The following UBR7 variants were observed in gnomAD, a reference collection of about 807,000 sequenced individuals.
The protein encoded by UBR7 is ubiquitin protein ligase E3 component n-recognin 7, also known as putative E3 ubiquitin-protein ligase UBR7.
UBR7 carries 22 observed loss-of-function variants against 57.0 expected under a neutral mutation model. That is an observed-to-expected ratio of 0.39 (90% CI 0.28 to 0.55). The LOEUF (loss-of-function observed/expected upper bound fraction) is 0.55, where lower values mean the gene tolerates loss of function less well. Among genes scored for constraint, UBR7 ranks in the 20% least tolerant of loss-of-function variants. The probability of loss-of-function intolerance (pLI) is 0.69; values close to 1 mark genes in which losing one functional copy is unlikely to be tolerated. For synonymous variants in UBR7, 167 were observed against 179.8 expected (o/e 0.93, Z 0.57); for missense variants, 395 against 513.2 (o/e 0.77, Z 2.23).
At position 93,217,167 on chromosome 14, in the gene UBR7, C is replaced by T. The variant is rs143909859; in HGVS notation, c.602-1360C>T. Reference sequence around the variant, plus strand: ...TCAGCCTCCCAAGTAGCTGGGATTACAGGCATGCACCAGCATGCCTAGCTA... The same window carrying T: ...TCAGCCTCCCAAGTAGCTGGGATTATAGGCATGCACCAGCATGCCTAGCTA... On this transcript the variant is annotated intron_variant, in intron 6 of 10. Coordinates refer to ENST00000013070, the MANE Select transcript of UBR7 (RefSeq NM_175748.4). Among the ~76,000 whole-genome samples the T allele has an allele frequency of 3.8e-3, 574 of 152,238 alleles. 5 individuals carry two copies. The highest frequency in any genetic ancestry group is 0.013 in the African/African-American group (558 of 41,550).
Position 93,212,941 on chromosome 14 carries a change from C to T in UBR7, c.441+814C>T, listed in dbSNP as rs1302452100. On this transcript the variant is annotated intron_variant, in intron 4 of 10. Transcript: ENST00000013070. ...CTCCAAGTATTTATGTAGAATGGAT[C>T]GGTATAATTGACGGATCAAAGTGTA... 5.3e-5 allele frequency among the ~76,000 whole-genome samples: 8 copies of T among 152,196 alleles called. No homozygotes were observed. The South Asian group carries it at 6.2e-4, about 12-fold the overall frequency.
intron 4 of UBR7, among the ~76,000 whole-genome samples, chr14:93,212,378 TC>T (rs1390028051): frequency 2.6e-4 from 40 of 152,298 alleles, no homozygotes; most frequent in African/African-American, 9.6e-4. Context: ...CTTCCCTTCC[TC>T]TCCTTCCCTG....
intron 10 of UBR7, among the ~76,000 whole-genome samples, chr14:93,224,295 CCTT>C (rs1894785519): frequency 6.6e-6 from 1 of 151,900 alleles, no homozygotes; most frequent in South Asian, 2.1e-4. Flanking sequence ...GTTAAAAGAG[CCTT>C]CTTCTAAGTG....
At chr14:93,221,591 T>G (rs982973016) in intron 9 of UBR7, among the ~76,000 whole-genome samples, 2 of 152,144 alleles carry the variant, frequency 1.3e-5, no homozygotes, top group African/African-American at 4.8e-5. Context: ...TCTTTTTGCC[T>G]TTATTAGAGT....
At chr14:93,213,008 T>C (rs1894515737) in intron 4 of UBR7, among the ~76,000 whole-genome samples, 1 of 152,150 alleles carries the variant, frequency 6.6e-6, no homozygotes, top group African/African-American at 2.4e-5. Flanking sequence ...CACTGTGGCT[T>C]ATGCCTGTAG....
intron 9 of UBR7, among the ~76,000 whole-genome samples, chr14:93,221,798 G>A (rs56388034): frequency 0.024 from 3,579 of 151,584 alleles, 157 homozygotes; most frequent in African/African-American, 0.083. Flanking sequence ...CCTGGCTGAC[G>A]TGGTGAAACC....
chr14:93,208,696 A>G (rs936379592), intron 1 of UBR7, among the ~76,000 whole-genome samples: 4 of 152,170 alleles, frequency 2.6e-5, no homozygotes, highest in Non-Finnish European at 4.4e-5. Flanking sequence ...CTTTAAAAAA[A>G]AAAGAAAGAA....
Position 93,218,521 on chromosome 14 carries a change from T to A in UBR7, c.602-6T>A. ...TATGTGTTTTTCTTTTTCTTTGAAC[T>A]CACAGTAACCAAAATATCCACTGAG... On this transcript the variant is annotated splice_region_variant and splice_polypyrimidine_tract_variant and intron_variant, in intron 6 of 10. Transcript: ENST00000013070. 1 of 1,614,098 alleles carries A rather than the reference T, an allele frequency of 6.2e-7. No individual in the cohort carries two copies. Among genetic ancestry groups the A allele is most frequent in the Non-Finnish European group, 8.5e-7 (1 of 1,179,986 alleles).
intron 2 of UBR7, among the ~76,000 whole-genome samples, chr14:93,210,380 G>A (rs1894458028): frequency 6.6e-6 from 1 of 152,178 alleles, no homozygotes; most frequent in South Asian, 2.1e-4. Flanking sequence ...ACCTCGCCCA[G>A]CACTAATGAA....
At chr14:93,219,470 A>G in intron 8 of UBR7, 109 bp downstream of exon 8, 1 of 1,426,454 alleles carries the variant, frequency 7.0e-7, no homozygotes, top group Non-Finnish European at 9.7e-7. Context: ...AGAAAGGAAA[A>G]TAAAAAGAAC....
chr14:93,217,038 T>C (rs1477167250), intron 6 of UBR7, among the ~76,000 whole-genome samples: 1 of 151,808 alleles, frequency 6.6e-6, no homozygotes, highest in Non-Finnish European at 1.5e-5. Flanking sequence ...GGTTTTTTTG[T>C]TTTTTCAAGA....
chr14:93,219,247 A>C lies in UBR7; in HGVS notation c.846A>C (p.Ser282=), dbSNP rs747954574. Residue 282 remains serine (S), a synonymous_variant, in exon 8 of 11, where the codon TCA becomes TCC. Transcript: ENST00000013070. Reference sequence around the variant, plus strand: ...AGAATGAAAGCCTCAACGCAGAATCAAAATCTGGCTGCAAACTTCAGGAGC... The same window carrying C: ...AGAATGAAAGCCTCAACGCAGAATCCAAATCTGGCTGCAAACTTCAGGAGC... The part of the protein sequence containing the change: ...VFKNESLNAE[S]KSGCKLQELK... 1.2e-6 allele frequency: 2 copies of C among 1,614,228 alleles called. No homozygotes were observed. The highest frequency in any genetic ancestry group is 1.7e-6 in the Non-Finnish European group (2 of 1,180,042).
chr14:93,219,858 C>G (rs959781708), intron 8 of UBR7, among the ~76,000 whole-genome samples: 1 of 152,126 alleles, frequency 6.6e-6, no homozygotes, highest in African/African-American at 2.4e-5. Context: ...GCCTGTAATC[C>G]CAGCTCCTTG....
At chr14:93,209,057 C>T (rs1327224123) in intron 1 of UBR7, among the ~76,000 whole-genome samples, 1 of 152,180 alleles carries the variant, frequency 6.6e-6, no homozygotes, top group East Asian at 1.9e-4. Context: ...AAGTGATCTG[C>T]CCACCTCGGC....
chr14:93,211,236 T>TAAA (rs1894475259), intron 3 of UBR7, among the ~76,000 whole-genome samples: 2 of 150,776 alleles, frequency 1.3e-5, no homozygotes. Context: ...AGACTCCATC[T>TAAA]CAAAACAAAC....
At position 93,210,667 on chromosome 14, in the gene UBR7, G is replaced by A. The variant is rs1480326822; in HGVS notation, c.304G>A (p.Gly102Arg). Reference sequence around the variant, plus strand: ...TTTCAGAAATTTTCGTTGTGATTGTGGAAACAGCAAGTTTAAAAATTTGGA... The same window carrying A: ...TTTCAGAAATTTTCGTTGTGATTGTAGAAACAGCAAGTTTAAAAATTTGGA... ...YTKRNFRCDC[G>R]NSKFKNLECK... is the part of the protein sequence containing the mutation. The change falls in exon 3 of 11, where the codon GGA (glycine) becomes AGA (arginine). Residue 102 changes from glycine to arginine, a missense_variant. Gly to Arg is a moderately radical substitution (Grantham distance 125, BLOSUM62 -2). Coordinates refer to ENST00000013070, the MANE Select transcript of UBR7 (RefSeq NM_175748.4). 6.2e-7 allele frequency: 1 copy of A among 1,608,486 alleles called. No homozygotes were observed. The highest frequency in any genetic ancestry group is 1.7e-5 in the Admixed American group (1 of 59,448).
At chr14:93,223,441 T>C (rs1434469410) in intron 10 of UBR7, among the ~76,000 whole-genome samples, 1 of 151,546 alleles carries the variant, frequency 6.6e-6, no homozygotes, top group East Asian at 1.9e-4. Flanking sequence ...CTTGTACCTG[T>C]AGTTTCAGCT....
At chr14:93,210,741 G>C in intron 3 of UBR7, 33 bp downstream of exon 3, 2 of 1,560,070 alleles carry the variant, frequency 1.3e-6, no homozygotes, top group Non-Finnish European at 1.8e-6. Context: ...AATGCATTTA[G>C]AGCAGCTGAG....
chr14:93,226,894 C>G (rs372183825), intron 10 of UBR7, 49 bp from the exon 11 acceptor site: 2 of 1,358,256 alleles, frequency 1.5e-6, no homozygotes. Context: ...CCTCGGATTG[C>G]GATTCTGTTA....
Sources: gnomAD v4.1 joint callset for allele counts (sites outside exome capture counted in the v4.1 genomes callset) on GRCh38, gnomAD v4.1.1 for gene constraint, MANE v1.5 for transcripts, NCBI Gene and HGNC (gene_info 2026-07-23, HGNC 2026-07-21) for gene names.